The following CDKAL1 variants were observed in gnomAD, a reference collection of about 807,000 sequenced individuals.
CDKAL1 encodes threonylcarbamoyladenosine tRNA methylthiotransferase.
In CDKAL1, 32 loss-of-function variants were observed where a neutral mutation model predicts 68.2. The ratio of observed to expected loss-of-function variants is 0.47; its 90% CI spans 0.35 to 0.63. The LOEUF (loss-of-function observed/expected upper bound fraction) is 0.63, where lower values mean the gene tolerates loss of function less well. Among genes scored for constraint, CDKAL1 ranks in the 30% least tolerant of loss-of-function variants. The pLI is 0.00. For synonymous variants in CDKAL1, 234 were observed against 244.3 expected (o/e 0.96, Z 0.39); for missense variants, 606 against 696.7 (o/e 0.87, Z 1.47).
At chr6:21,140,583 T>C (rs893367054) in intron 13 of CDKAL1, among the ~76,000 whole-genome samples, 3 of 152,170 alleles carry the variant, frequency 2.0e-5, no homozygotes, top group Non-Finnish European at 4.4e-5. Flanking sequence ...CAAGGGGCTA[T>C]ATGGAAATAG....
intron 10 of CDKAL1, among the ~76,000 whole-genome samples, chr6:20,985,011 T>C (rs1008193883): frequency 9.2e-5 from 14 of 152,186 alleles, no homozygotes; most frequent in African/African-American, 3.4e-4. Context: ...TGCCGTAATT[T>C]GGAATGGGCT....
intron 4 of CDKAL1, among the ~76,000 whole-genome samples, chr6:20,567,470 A>C (rs1166612754): frequency 6.6e-6 from 1 of 152,152 alleles, no homozygotes; most frequent in Non-Finnish European, 1.5e-5. Context: ...GTCCATTTCA[A>C]TCTATTTAAA....
At chr6:21,001,769 G>A (rs1767439063) in intron 11 of CDKAL1, among the ~76,000 whole-genome samples, 1 of 152,102 alleles carries the variant, frequency 6.6e-6, no homozygotes, top group African/African-American at 2.4e-5. Context: ...AGTTCTTTTG[G>A]GCACTCTGGC....
intron 13 of CDKAL1, among the ~76,000 whole-genome samples, chr6:21,127,010 A>G (rs1775046127): frequency 6.6e-6 from 1 of 152,172 alleles, no homozygotes; most frequent in Non-Finnish European, 1.5e-5. Context: ...TCTTACTTTC[A>G]AATACGAAGA....
chr6:21,091,917 C>T (rs1223228402), intron 12 of CDKAL1, among the ~76,000 whole-genome samples: 4 of 109,658 alleles, frequency 3.6e-5, no homozygotes, highest in African/African-American at 7.2e-5. Context: ...GACGGAGGCT[C>T]GCTGTGTCGC....
intron 9 of CDKAL1, among the ~76,000 whole-genome samples, chr6:20,846,627 A>T (rs531070430): frequency 6.6e-6 from 1 of 152,198 alleles, no homozygotes; most frequent in Non-Finnish European, 1.5e-5. Context: ...CATATCAGCC[A>T]ATAAAGGAGG....
chr6:20,935,683 G>T (rs1019621447), intron 9 of CDKAL1, among the ~76,000 whole-genome samples: 3 of 152,086 alleles, frequency 2.0e-5, no homozygotes, highest in Non-Finnish European at 4.4e-5. Context: ...ACCTGCCTCG[G>T]CCTCCCAAAG....
chr6:21,082,352 T>C (rs796368869), intron 12 of CDKAL1, among the ~76,000 whole-genome samples: 13 of 152,352 alleles, frequency 8.5e-5, no homozygotes, highest in African/African-American at 3.1e-4. Context: ...TTTCATGTAC[T>C]TTGTCTCCTG....
At chr6:20,694,100 G>C (rs1311353874) in intron 5 of CDKAL1, among the ~76,000 whole-genome samples, 2 of 151,314 alleles carry the variant, frequency 1.3e-5, no homozygotes, top group East Asian at 3.9e-4. Context: ...GTGTATGTAG[G>C]TGGTTGGTAT....
chr6:21,072,186 C>G (rs9350317), intron 12 of CDKAL1, among the ~76,000 whole-genome samples: 29,983 of 152,030 alleles, frequency 0.2, 3,074 homozygotes, highest in East Asian at 0.31. Flanking sequence ...TCAGGCTCTG[C>G]GTATTTACTT....
chr6:21,038,672 GT>G (rs917045782), intron 11 of CDKAL1, among the ~76,000 whole-genome samples: 4 of 151,812 alleles, frequency 2.6e-5, no homozygotes, highest in African/African-American at 7.3e-5. Flanking sequence ...AATATTATGA[GT>G]TTTTTTGTGA....
chr6:20,808,135 A>G (rs537526655), intron 8 of CDKAL1, among the ~76,000 whole-genome samples: 1 of 152,366 alleles, frequency 6.6e-6, no homozygotes, highest in South Asian at 2.1e-4. Flanking sequence ...ATATGTCAAT[A>G]TTAGCAGATT....
chr6:21,055,432 A>G (rs376997161), intron 11 of CDKAL1, among the ~76,000 whole-genome samples: 3 of 151,914 alleles, frequency 2.0e-5, no homozygotes, highest in Admixed American at 6.6e-5. Flanking sequence ...CAGGTTTATT[A>G]TGTAGGTAAA....
At chr6:20,861,445 T>C (rs187729349) in intron 9 of CDKAL1, among the ~76,000 whole-genome samples, 1 of 152,364 alleles carries the variant, frequency 6.6e-6, no homozygotes, top group African/African-American at 2.4e-5. Context: ...AAATATTTAA[T>C]TTTAGTTGAT....
intron 6 of CDKAL1, among the ~76,000 whole-genome samples, chr6:20,751,986 G>C (rs890137775): frequency 6.6e-6 from 1 of 151,818 alleles, no homozygotes; most frequent in Admixed American, 6.6e-5. Context: ...TTTTGAGTTT[G>C]TTTTCTTGCT....
chr6:20,975,890 A>C (rs945417722), intron 10 of CDKAL1, among the ~76,000 whole-genome samples: 1 of 152,200 alleles, frequency 6.6e-6, no homozygotes, highest in Non-Finnish European at 1.5e-5. Context: ...TATCACTCAA[A>C]GCCCATTGTT....
chr6:20,644,695 CA>C (rs70990057), intron 4 of CDKAL1, among the ~76,000 whole-genome samples: 1 of 151,716 alleles, frequency 6.6e-6, no homozygotes, highest in East Asian at 1.9e-4. Flanking sequence ...AAAAACACAA[CA>C]AAAAAAAGAA....
intron 11 of CDKAL1, among the ~76,000 whole-genome samples, chr6:21,008,283 A>G (rs1582016698): frequency 6.6e-6 from 1 of 152,288 alleles, no homozygotes; most frequent in Admixed American, 6.5e-5. Flanking sequence ...ATGAAGTTAT[A>G]GGTAATGAGA....
At chr6:20,549,193 C>A (rs1390487939) in intron 4 of CDKAL1, among the ~76,000 whole-genome samples, 1 of 152,172 alleles carries the variant, frequency 6.6e-6, no homozygotes, top group African/African-American at 2.4e-5. Context: ...GACCTTGACA[C>A]TTCTGAAGAA....
Sources: allele counts gnomAD v4.1 joint callset (sites outside exome capture counted in the v4.1 genomes callset), GRCh38; gene constraint gnomAD v4.1.1; transcripts MANE v1.5; gene names NCBI Gene and HGNC (gene_info 2026-07-23, HGNC 2026-07-21).